FHIT: variants seen among roughly 807,000 people sequenced by gnomAD.
The protein encoded by FHIT is fragile histidine triad diadenosine triphosphatase, also known as bis(5'-adenosyl)-triphosphatase.
In FHIT, 19 loss-of-function variants were observed where a neutral mutation model predicts 17.9. That is an observed-to-expected ratio of 1.06 (90% CI 0.74 to 1.56). The LOEUF (loss-of-function observed/expected upper bound fraction) is 1.56. Ranked by LOEUF, FHIT falls within the 40% of genes most tolerant of loss-of-function variation. The probability of loss-of-function intolerance (pLI) is 0.00; values close to 1 mark genes in which losing one functional copy is unlikely to be tolerated. For missense variants in FHIT, 248 were observed against 189.2 expected (o/e 1.31, Z -1.82); for synonymous variants, 81 against 69.7 (o/e 1.16, Z -0.81).
At chr3:60,230,522 T>G (rs17396765) in intron 5 of FHIT, among the ~76,000 whole-genome samples, 2 of 152,044 alleles carry the variant, frequency 1.3e-5, no homozygotes, top group Non-Finnish European at 2.9e-5. Context: ...AAATCGCAGA[T>G]AGCATAGGCA....
intron 8 of FHIT, among the ~76,000 whole-genome samples, chr3:59,907,420 T>A (rs1424195136): frequency 6.6e-6 from 1 of 152,232 alleles, no homozygotes; most frequent in Non-Finnish European, 1.5e-5. Context: ...CAGCTTAGCC[T>A]TTAATTCAAA....
chr3:60,741,795 A>T (rs782566397), intron 4 of FHIT, among the ~76,000 whole-genome samples: 1 of 152,228 alleles, frequency 6.6e-6, no homozygotes, highest in African/African-American at 2.4e-5. Context: ...CAGAAAAAGC[A>T]ACCATTGAAA....
At chr3:60,492,385 A>G (rs1166285918) in intron 5 of FHIT, among the ~76,000 whole-genome samples, 1 of 152,234 alleles carries the variant, frequency 6.6e-6, no homozygotes, top group African/African-American at 2.4e-5. Flanking sequence ...GAGTTAATTG[A>G]AAGATTTGGA....
chr3:60,982,689 G>A (rs557652386), intron 3 of FHIT, among the ~76,000 whole-genome samples: 13 of 152,122 alleles, frequency 8.5e-5, no homozygotes, highest in South Asian at 6.2e-4. Context: ...CATTTCCTTC[G>A]TATCACTTGT....
At chr3:59,815,150 G>C (rs886616994) in intron 8 of FHIT, among the ~76,000 whole-genome samples, 7 of 152,172 alleles carry the variant, frequency 4.6e-5, no homozygotes, top group Non-Finnish European at 8.8e-5. Context: ...TGCTTTGCTG[G>C]CTGCCTGGGA....
intron 5 of FHIT, among the ~76,000 whole-genome samples, chr3:60,081,776 A>C (rs189303639): frequency 6.6e-6 from 1 of 152,108 alleles, no homozygotes; most frequent in African/African-American, 2.4e-5. Flanking sequence ...ACAGGACCCT[A>C]ATCAGAGAGA....
chr3:60,825,518 G>A (rs1553740658), intron 3 of FHIT, among the ~76,000 whole-genome samples: 1 of 152,152 alleles, frequency 6.6e-6, no homozygotes, highest in Non-Finnish European at 1.5e-5. Flanking sequence ...TCTGTGGCCT[G>A]TTAGGGACCA....
At chr3:59,836,682 A>G (rs551092603) in intron 8 of FHIT, among the ~76,000 whole-genome samples, 6 of 152,332 alleles carry the variant, frequency 3.9e-5, no homozygotes, top group African/African-American at 1.4e-4. Context: ...GCTGAAGTCC[A>G]AATTTTTGAG....
chr3:60,028,733 G>A (rs1012403686), intron 5 of FHIT, among the ~76,000 whole-genome samples: 2 of 152,202 alleles, frequency 1.3e-5, no homozygotes, highest in Admixed American at 6.5e-5. Context: ...TTGCGCTGAT[G>A]TTCAGGAGAT....
chr3:60,226,472 C>CAAAAAAAAAAAAAAAAA lies in FHIT; in HGVS notation c.104-212337_104-212321dup, dbSNP rs1189100387. ...GGGCAACAAGAGTGAAACTCCGTCT[C>CAAAAAAAAAAAAAAAAA]AAAAAAAAAAAAAAAAAAAAAACAC... On this transcript the variant is annotated intron_variant, in intron 5 of 9. Coordinates refer to ENST00000492590, the MANE Select transcript of FHIT (RefSeq NM_002012.4). Among the ~76,000 whole-genome samples the CAAAAAAAAAAAAAAAAA allele has an allele frequency of 1.9e-4, 13 of 70,148 alleles. 2 individuals carry two copies. Among genetic ancestry groups the CAAAAAAAAAAAAAAAAA allele is most frequent in the African/African-American group, 2.9e-4 (5 of 17,276 alleles). 46.0% of individuals were successfully genotyped at this position (70,148 alleles called of 152,430 possible).
chr3:61,195,245 T>C (rs565745327), intron 2 of FHIT, among the ~76,000 whole-genome samples: 2 of 151,924 alleles, frequency 1.3e-5, no homozygotes, highest in South Asian at 2.1e-4. Context: ...TCTACTTCTA[T>C]GGGACATAAT....
intron 4 of FHIT, among the ~76,000 whole-genome samples, chr3:60,562,277 T>C (rs1255023775): frequency 2.0e-5 from 3 of 152,214 alleles, no homozygotes; most frequent in African/African-American, 7.2e-5. Flanking sequence ...ACAGTCTCTA[T>C]TCTCTGATCC....
intron 5 of FHIT, among the ~76,000 whole-genome samples, chr3:60,102,949 A>T (rs1207133694): frequency 6.6e-6 from 1 of 152,154 alleles, no homozygotes; most frequent in Non-Finnish European, 1.5e-5. Flanking sequence ...CATATGGGGG[A>T]GTTGTGGAAA....
chr3:59,854,823 T>G (rs1702086411), intron 8 of FHIT, among the ~76,000 whole-genome samples: 1 of 152,202 alleles, frequency 6.6e-6, no homozygotes, highest in Non-Finnish European at 1.5e-5. Context: ...GGAGCCAGAC[T>G]GCCCTGAGGC....
intron 4 of FHIT, among the ~76,000 whole-genome samples, chr3:60,620,677 C>T (rs1410871863): frequency 3.3e-5 from 5 of 150,942 alleles, no homozygotes; most frequent in African/African-American, 1.2e-4. Flanking sequence ...CTAGATAGAA[C>T]ATAGGAGATT....
intron 4 of FHIT, among the ~76,000 whole-genome samples, chr3:60,816,822 A>G (rs182689776): frequency 2.0e-5 from 3 of 152,112 alleles, no homozygotes; most frequent in Non-Finnish European, 2.9e-5. Flanking sequence ...TTCTTTGTAC[A>G]TCAGGTAGAA....
At chr3:61,001,500 A>G (rs988748885) in intron 3 of FHIT, among the ~76,000 whole-genome samples, 1 of 152,256 alleles carries the variant, frequency 6.6e-6, no homozygotes, top group Non-Finnish European at 1.5e-5. Context: ...CTATTGATAC[A>G]CACCTGGATG....
At chr3:60,143,536 C>T (rs1394975913) in intron 5 of FHIT, among the ~76,000 whole-genome samples, 1 of 152,042 alleles carries the variant, frequency 6.6e-6, no homozygotes, top group Non-Finnish European at 1.5e-5. Flanking sequence ...CTGCTAAACC[C>T]CAGATGATTC....
At chr3:61,017,403 T>A (rs892901690) in intron 3 of FHIT, among the ~76,000 whole-genome samples, 2 of 152,236 alleles carry the variant, frequency 1.3e-5, no homozygotes, top group Admixed American at 6.5e-5. Flanking sequence ...AACAAGCTGA[T>A]AGAAAAACAG....
Sources: gnomAD v4.1 joint callset for allele counts (sites outside exome capture counted in the v4.1 genomes callset) on GRCh38, gnomAD v4.1.1 for gene constraint, MANE v1.5 for transcripts, NCBI Gene and HGNC (gene_info 2026-07-23, HGNC 2026-07-21) for gene names.